VPS53: variants seen among roughly 807,000 people sequenced by gnomAD.
VPS53 encodes the protein vacuolar protein sorting-associated protein 53 homolog.
Under a neutral mutation model 107.0 loss-of-function variants are expected in VPS53, and 70 were observed. That is an observed-to-expected ratio of 0.65 (90% confidence interval 0.54 to 0.80). The LOEUF (loss-of-function observed/expected upper bound fraction) is 0.80. Ranked by LOEUF, VPS53 falls within the 30% of genes least tolerant of loss-of-function variation. The pLI, the probability that VPS53 is intolerant of heterozygous loss-of-function variation, is 0.00. For missense variants in VPS53, 917 were observed against 1,049.4 expected, an observed-to-expected ratio of 0.87 and a Z score of 1.74; for synonymous variants, 409 against 393.3, an observed-to-expected ratio of 1.04 and a Z score of -0.47.
At chr17:679,073 A>T (rs1972284810) in intron 4 of VPS53, among the ~76,000 whole-genome samples, 1 of 152,226 alleles carries the variant, frequency 6.6e-6, no homozygotes. Context: ...AAGCAGTAAA[A>T]TATAAAGGTA....
intron 7 of VPS53, chr17:632,792 T>C (rs937460028): frequency 2.2e-6 from 1 of 456,332 alleles, no homozygotes; most frequent in African/African-American, 2.0e-5. Flanking sequence ...GCTTATTTCA[T>C]TTCACATCAC....
chr17:528,946 T>C (rs1909320683), intron 19 of VPS53, among the ~76,000 whole-genome samples: 3 of 152,270 alleles, frequency 2.0e-5, no homozygotes, highest in Middle Eastern at 6.8e-3. Flanking sequence ...TGCTGGGCCC[T>C]GTGGTAACTC....
chr17:710,330 TTAA>T (rs1161096848), intron 2 of VPS53, among the ~76,000 whole-genome samples, 200 bp downstream of exon 2: 4 of 152,160 alleles, frequency 2.6e-5, no homozygotes, highest in Non-Finnish European at 5.9e-5. Flanking sequence ...AGTACAATTA[TTAA>T]TAATATGTTC....
chr17:622,228 AC>A (rs1300793119), intron 11 of VPS53, among the ~76,000 whole-genome samples: 5 of 152,084 alleles, frequency 3.3e-5, no homozygotes, highest in African/African-American at 1.2e-4. Flanking sequence ...AAATGAAAAA[AC>A]AAAAAAATAA....
chr17:656,089 C>T (rs1308007304), intron 5 of VPS53, 136 bp from the exon 6 acceptor site: 3 of 623,618 alleles, frequency 4.8e-6, no homozygotes, highest in Non-Finnish European at 8.1e-6. Flanking sequence ...TCTCACAATA[C>T]AAAATAAAAA....
intron 4 of VPS53, chr17:675,741 T>C (rs1972130324): frequency 8.5e-6 from 1 of 117,664 alleles, no homozygotes; most frequent in Non-Finnish European, 1.6e-5. Flanking sequence ...ACCTCCATCC[T>C]GGGCGACAGG....
At position 673,320 on chromosome 17, in the gene VPS53, A is replaced by G. The variant is rs117392667; in HGVS notation, c.286-11425T>C. Among the ~76,000 whole-genome samples the G allele has an allele frequency of 3.6e-4, 54 of 152,064 alleles. No individual in the cohort carries two copies. In the East Asian group the frequency reaches 9.7e-3, roughly 27 times the overall value. ...GTCTCTTCTTTTGTTACTGCTGACC[A>G]CCCCGGCATCACTGAGAGCTGTTGC... is the stretch of plus-strand genomic sequence containing the variant. On this transcript the variant is annotated intron_variant, in intron 4 of 21. Transcript: ENST00000437048.
Position 630,249 on chromosome 17 carries a change from A to G in VPS53, c.687+1301T>C, listed in dbSNP as rs116947232. On this transcript the variant is annotated intron_variant, in intron 8 of 21. Coordinates refer to ENST00000437048, the MANE Select transcript of VPS53 (RefSeq NM_001128159.3). ...GGAGGTTGCAGTGGGCTGAGATCAC[A>G]CCATTGCACTCTAGCCTGGGCCAAA... Among the ~76,000 whole-genome samples, 236 of 151,758 alleles carry G rather than the reference A, an allele frequency of 1.6e-3. 8 individuals carry two copies. The East Asian group carries it at 0.039, about 25-fold the overall frequency.
intron 7 of VPS53, among the ~76,000 whole-genome samples, chr17:635,938 T>G (rs1970180941): frequency 6.6e-6 from 1 of 152,200 alleles, no homozygotes; most frequent in South Asian, 2.1e-4. Context: ...GTGAAGAAAG[T>G]CATTGGTAGC....
intron 7 of VPS53, among the ~76,000 whole-genome samples, chr17:651,774 G>C (rs756262984): frequency 6.6e-6 from 1 of 152,100 alleles, no homozygotes; most frequent in East Asian, 1.9e-4. Context: ...CAATTGTGAC[G>C]GTCTCTGCCT....
At chr17:578,023 C>A (rs1428854743) in intron 13 of VPS53, among the ~76,000 whole-genome samples, 1 of 150,376 alleles carries the variant, frequency 6.6e-6, no homozygotes, top group African/African-American at 2.5e-5. Flanking sequence ...TCCCAAAGAA[C>A]TTCCCTTAGG....
At position 520,154 on chromosome 17, in the gene VPS53, ATCT is replaced by A. The variant is rs942524835; in HGVS notation, c.2224-227_2224-225del. ...TAGAAACGCCCCAGTGGCCCATCTC[ATCT>A]TCACATGCCACTACAGCAATGTCCT... On this transcript the variant is annotated intron_variant, in intron 20 of 21. Coordinates refer to ENST00000437048, the MANE Select transcript of VPS53 (RefSeq NM_001128159.3). This position sits in a 1 kb window ranked among gnomAD's most constrained non-coding sequence, Gnocchi z 4.4. Among the ~76,000 whole-genome samples the A allele has an allele frequency of 6.6e-6, 1 of 152,096 alleles. No individual in the cohort carries two copies. Among genetic ancestry groups the A allele is most frequent in the African/African-American group, 2.4e-5 (1 of 41,418 alleles).
intron 4 of VPS53, 87 bp downstream of exon 4, chr17:697,331 T>A: frequency 8.8e-7 from 1 of 1,136,952 alleles, no homozygotes; most frequent in South Asian, 1.2e-5. Context: ...GAAAGTGCTC[T>A]GCAAGAGGGC....
Position 670,481 on chromosome 17 carries a change from C to A in VPS53, c.286-8586G>T, listed in dbSNP as rs570201739. On this transcript the variant is annotated intron_variant, in intron 4 of 21. Transcript: ENST00000437048. ...AGGCTCTCAAAGCCACAGGAGGTCA[C>A]GTGTGGAAGATAAGGAGTATGGAAC... 6.6e-5 allele frequency among the ~76,000 whole-genome samples: 10 copies of A among 152,308 alleles called. No homozygotes were observed. In the South Asian group the frequency reaches 2.1e-3, roughly 32 times the overall value.
rs1968916585 is a variant in VPS53 at position 612,192 on chromosome 17, A to C, written c.1117-10296T>G. 1.3e-5 allele frequency among the ~76,000 whole-genome samples: 2 copies of C among 150,488 alleles called. 1 individual carries two copies. The highest frequency in any genetic ancestry group is 4.9e-5 in the African/African-American group (2 of 40,800). ...TTCATAGTGAGTTCACACAGTGAAA[A>C]CCTGTACAGATATTCACAGCAGTAT... On this transcript the variant is annotated intron_variant, in intron 11 of 21. Transcript: ENST00000437048.
At chr17:644,913 T>C (rs1970623507) in intron 7 of VPS53, among the ~76,000 whole-genome samples, 1 of 152,226 alleles carries the variant, frequency 6.6e-6, no homozygotes, top group Admixed American at 6.5e-5. Flanking sequence ...GCACATATTC[T>C]GTATTAACCT....
intron 11 of VPS53, among the ~76,000 whole-genome samples, chr17:611,723 T>C (rs1168211041): frequency 1.3e-5 from 2 of 152,222 alleles, no homozygotes; most frequent in Non-Finnish European, 1.5e-5. Flanking sequence ...CCTGTACAAA[T>C]ATTCACATAG....
intron 8 of VPS53, among the ~76,000 whole-genome samples, chr17:629,802 A>AC (rs1258051120): frequency 3.0e-5 from 3 of 101,202 alleles, no homozygotes; most frequent in Non-Finnish European, 6.0e-5. Context: ...ACAAAACAAA[A>AC]AAAAAACCAC....
intron 7 of VPS53, among the ~76,000 whole-genome samples, chr17:647,940 T>C (rs547181416): frequency 6.6e-5 from 10 of 152,288 alleles, no homozygotes; most frequent in African/African-American, 2.2e-4. Flanking sequence ...AGGAGCAGGA[T>C]GGGGCCGCTG....
Sources: allele counts gnomAD v4.1 joint callset (sites outside exome capture counted in the v4.1 genomes callset), GRCh38; gene constraint gnomAD v4.1.1; non-coding constraint Gnocchi (gnomAD v3.1); transcripts MANE v1.5; gene names NCBI Gene and HGNC (gene_info 2026-07-23, HGNC 2026-07-21).